ZZEF1: variants seen among roughly 807,000 people sequenced by gnomAD.
ZZEF1 encodes zinc finger ZZ-type and EF-hand domain containing 1.
A neutral mutation model predicts 342.8 loss-of-function variants in ZZEF1; 157 were observed. The ratio of observed to expected loss-of-function variants is 0.46; its 90% confidence interval spans 0.40 to 0.52. The LOEUF (loss-of-function observed/expected upper bound fraction) is 0.52. Ranked by LOEUF, ZZEF1 falls within the 20% of genes least tolerant of loss-of-function variation. The pLI, the probability that ZZEF1 is intolerant of heterozygous loss-of-function variation, is 0.00. For synonymous variants in ZZEF1, 1,505 were observed against 1,429.1 expected, an observed-to-expected ratio of 1.05 and a Z score of -1.20; for missense variants, 3,480 against 3,725.6, an observed-to-expected ratio of 0.93 and a Z score of 1.72.
At chr17:4,135,714 T>A (rs1295834200) in intron 1 of ZZEF1, among the ~76,000 whole-genome samples, 1 of 152,156 alleles carries the variant, frequency 6.6e-6, no homozygotes, top group Non-Finnish European at 1.5e-5. Context: ...AGATCACTGA[T>A]AACAGCGATC....
At chr17:4,109,345 C>T (rs1033348150) in intron 6 of ZZEF1, among the ~76,000 whole-genome samples, 8 of 152,186 alleles carry the variant, frequency 5.3e-5, no homozygotes, top group Non-Finnish European at 1.2e-4. Flanking sequence ...AAGGAACAGG[C>T]ACAGCATAAG....
chr17:4,085,614 C>T, intron 16 of ZZEF1, 56 bp downstream of exon 16: 1 of 1,604,996 alleles, frequency 6.2e-7, no homozygotes, highest in Admixed American at 1.7e-5. Context: ...CAAAGCCTAG[C>T]AAATTTCATC....
intron 18 of ZZEF1, 101 bp downstream of exon 18, chr17:4,081,275 C>T (rs748882239): frequency 4.2e-6 from 4 of 948,458 alleles, no homozygotes; most frequent in Non-Finnish European, 6.6e-6. Flanking sequence ...CAACAAAGTA[C>T]ATTCATACTG....
intron 39 of ZZEF1, among the ~76,000 whole-genome samples, chr17:4,040,230 C>G (rs1046690202): frequency 1.3e-5 from 2 of 152,096 alleles, no homozygotes; most frequent in Non-Finnish European, 2.9e-5. Flanking sequence ...TCAAAAAGTA[C>G]TTGAGGAAGT....
rs1415621363 is a variant in ZZEF1 at position 4,072,775 on chromosome 17, A to T, written c.3686-19T>A. ...CCTAACTCTAGAAAGAGAAGAAGAC[A>T]TATGACAGTTCTATTTTTGCCTTAA... On this transcript the variant is annotated intron_variant, in intron 24 of 54. Coordinates refer to ENST00000381638, the MANE Select transcript of ZZEF1 (RefSeq NM_015113.4). 8.8e-6 allele frequency: 14 copies of T among 1,585,766 alleles called. No individual in the cohort carries two copies. Among genetic ancestry groups the T allele is most frequent in the Non-Finnish European group, 1.2e-5 (14 of 1,165,216 alleles).
At chr17:4,087,083 T>C (rs1436931225) in intron 14 of ZZEF1, among the ~76,000 whole-genome samples, 1 of 152,134 alleles carries the variant, frequency 6.6e-6, no homozygotes, top group Non-Finnish European at 1.5e-5. Context: ...GGTTTCACCA[T>C]ATTGGCCAGG....
chr17:4,042,225 T>C (rs1488276219), intron 39 of ZZEF1, among the ~76,000 whole-genome samples: 1 of 151,420 alleles, frequency 6.6e-6, no homozygotes, highest in Non-Finnish European at 1.5e-5. Flanking sequence ...ATTATAAGCA[T>C]TATATATAAA....
At position 4,006,187 on chromosome 17, in the gene ZZEF1, T is replaced by G. The variant is rs2055796233; in HGVS notation, c.*703A>C. On this transcript the variant is annotated 3_prime_UTR_variant, in exon 55 of 55. Coordinates refer to ENST00000381638, the MANE Select transcript of ZZEF1 (RefSeq NM_015113.4). ...ACAGTGTGGTTCTGCTCTAAAAACG[T>G]GAGGTGGAAACTGAAATATGTCAAA... The G allele has an allele frequency of 6.5e-6, 1 of 154,274 alleles. No individual in the cohort carries two copies. The highest frequency in any genetic ancestry group is 2.4e-5 in the African/African-American group (1 of 41,428). 9.6% of individuals were successfully genotyped at this position (154,274 alleles called of 1,614,324 possible).
At chr17:4,083,017 C>T (rs1278481032) in intron 16 of ZZEF1, among the ~76,000 whole-genome samples, 1 of 152,160 alleles carries the variant, frequency 6.6e-6, no homozygotes, top group Non-Finnish European at 1.5e-5. Context: ...CTCAGGTGAT[C>T]CACCCACCTC....
At chr17:4,068,191 GTTCT>G in intron 26 of ZZEF1, among the ~76,000 whole-genome samples, 2 of 152,058 alleles carry the variant, frequency 1.3e-5, no homozygotes, top group South Asian at 4.1e-4. Flanking sequence ...ATTCATAAAG[GTTCT>G]AAGTGGTGAG....
At chr17:4,075,514 C>T in intron 21 of ZZEF1, 85 bp from the exon 22 acceptor site, 3 of 1,494,276 alleles carry the variant, frequency 2.0e-6, no homozygotes, top group South Asian at 2.6e-5. Context: ...TCTATCAGTG[C>T]TCCAGGCAGA....
At chr17:4,030,027 TA>T (rs66993338) in intron 42 of ZZEF1, among the ~76,000 whole-genome samples, 43,908 of 130,732 alleles carry the variant, frequency 0.34, 8,509 homozygotes, top group African/African-American at 0.59. Context: ...GAGATCCTAT[TA>T]AAAAAAAAAA....
chr17:4,127,618 T>G (rs2058592669), intron 1 of ZZEF1, among the ~76,000 whole-genome samples: 1 of 152,130 alleles, frequency 6.6e-6, no homozygotes, highest in Non-Finnish European at 1.5e-5. Flanking sequence ...CTTCCCAATC[T>G]TGGCAGAAAT....
At chr17:4,065,091 C>A (rs1292681280) in intron 28 of ZZEF1, among the ~76,000 whole-genome samples, 1 of 152,070 alleles carries the variant, frequency 6.6e-6, no homozygotes, top group African/African-American at 2.4e-5. Flanking sequence ...CAATTTAGGG[C>A]AAGAGACAGC....
Position 4,008,606 on chromosome 17 carries a change from A to T in ZZEF1, c.8805+277T>A. Reference sequence around the variant, plus strand: ...GAAATCTAACTCCACGGAAACTTCAAGAATCAGCCAAACTAAATTTAAGGC... The same window carrying T: ...GAAATCTAACTCCACGGAAACTTCATGAATCAGCCAAACTAAATTTAAGGC... On this transcript the variant is annotated intron_variant, in intron 54 of 54. Coordinates refer to ENST00000381638, the MANE Select transcript of ZZEF1 (RefSeq NM_015113.4). This position sits in a 1 kb window ranked among gnomAD's most constrained non-coding sequence, Gnocchi z 4.2. The T allele has an allele frequency of 4.3e-6, 5 of 1,162,374 alleles. No homozygotes were observed. Among genetic ancestry groups the T allele is most frequent in the Non-Finnish European group, 4.2e-6 (4 of 942,328 alleles). The allele number at this position is 1,162,374 out of a possible 1,614,324, so 72.0% of individuals were successfully genotyped here. A position where few individuals can be genotyped will look rare whatever the true frequency, so the allele number is the denominator to read the frequency against.
In ZZEF1 at chr17:4,105,680, G is replaced by C; in HGVS notation, c.1394+13C>G. 1 of 1,587,386 alleles carries C rather than the reference G, an allele frequency of 6.3e-7. No homozygotes were observed. The highest frequency in any genetic ancestry group is 1.7e-5 in the Admixed American group (1 of 59,598). ...TTCCTCACAGAGTTTACCCTCATCA[G>C]CCTTGATTTTACCTAGTTATCCTTA... On this transcript the variant is annotated intron_variant, in intron 7 of 54. Transcript: ENST00000381638.
At chr17:4,137,355 A>T (rs533626985) in intron 1 of ZZEF1, among the ~76,000 whole-genome samples, 1 of 152,228 alleles carries the variant, frequency 6.6e-6, no homozygotes, top group Admixed American at 6.5e-5. Flanking sequence ...TCATGCCTGT[A>T]ATCCCAGCAC....
chr17:4,127,491 G>A (rs1355936424), intron 1 of ZZEF1, among the ~76,000 whole-genome samples: 1 of 152,030 alleles, frequency 6.6e-6, no homozygotes, highest in Non-Finnish European at 1.5e-5. Flanking sequence ...AGCAGGGGGC[G>A]GTTTAGAACA....
In ZZEF1 at chr17:4,081,498, G is replaced by C; in HGVS notation, c.2715-8C>G. The C allele has an allele frequency of 6.2e-7, 1 of 1,609,778 alleles. No individual in the cohort carries two copies. Among genetic ancestry groups the C allele is most frequent in the South Asian group, 1.1e-5 (1 of 90,924 alleles). On this transcript the variant is annotated splice_region_variant and splice_polypyrimidine_tract_variant and intron_variant, in intron 17 of 54. Transcript: ENST00000381638. ...CCGCCTGGATCCTTGTCACTGAAAG[G>C]ATACAAATTAGTCATGACACCTGGC...
Sources: gnomAD v4.1 joint callset for allele counts (sites outside exome capture counted in the v4.1 genomes callset) on GRCh38, gnomAD v4.1.1 for gene constraint, Gnocchi (gnomAD v3.1) non-coding constraint, MANE v1.5 for transcripts, NCBI Gene and HGNC (gene_info 2026-07-23, HGNC 2026-07-21) for gene names.